IRAK4: variants seen among roughly 807,000 people sequenced by gnomAD.
The protein encoded by IRAK4 is interleukin 1 receptor associated kinase 4, also known as interleukin-1 receptor-associated kinase 4.
A neutral mutation model predicts 51.8 loss-of-function variants in IRAK4; 44 were observed. That is an observed-to-expected ratio of 0.85 (90% CI 0.67 to 1.09). The LOEUF is 1.09. IRAK4 is among the 50% of genes least tolerant of loss of function. IRAK4 has a pLI of 0.00. For missense variants in IRAK4, 487 were observed against 538.0 expected (o/e 0.91, Z 0.94); for synonymous variants, 149 against 174.1 (o/e 0.86, Z 1.13).
chr12:43,788,306 A>G lies in IRAK4; in HGVS notation c.*1591A>G, dbSNP rs1268412829. 1 of 152,254 alleles carries G rather than the reference A, an allele frequency of 6.6e-6. No individual in the cohort carries two copies. Among genetic ancestry groups the G allele is most frequent in the East Asian group, 1.9e-4 (1 of 5,174 alleles). 9.4% of individuals were successfully genotyped at this position (152,254 alleles called of 1,614,324 possible). On this transcript the variant is annotated 3_prime_UTR_variant, in exon 12 of 12. Coordinates refer to ENST00000613694, the MANE Select transcript of IRAK4 (RefSeq NM_016123.4). ...CCCAACACAGAGACCCCAGCAGGACACTGCCTAGTAGAGCTATGGGAAGGG... is the reference window on the plus strand; with the variant it reads ...CCCAACACAGAGACCCCAGCAGGACGCTGCCTAGTAGAGCTATGGGAAGGG...
chr12:43,775,432 C>T (rs568957287), intron 6 of IRAK4, among the ~76,000 whole-genome samples: 7 of 152,236 alleles, frequency 4.6e-5, no homozygotes, highest in East Asian at 3.9e-4. Flanking sequence ...ACATGTATCC[C>T]GGAACTTAAT....
chr12:43,764,889 T>C (rs1330824974), intron 1 of IRAK4, among the ~76,000 whole-genome samples: 3 of 152,214 alleles, frequency 2.0e-5, no homozygotes, highest in Non-Finnish European at 4.4e-5. Context: ...CCATTCTTTT[T>C]CCCTCCAGAA....
chr12:43,772,991 T>C lies in IRAK4; in HGVS notation c.570T>C (p.Asn190=). 1 of 1,612,432 alleles carries C rather than the reference T, an allele frequency of 6.2e-7. No individual in the cohort carries two copies. The highest frequency in any genetic ancestry group is 8.5e-7 in the Non-Finnish European group (1 of 1,178,922). Reference sequence around the variant, plus strand: ...AACGACCCATTTCTGTTGGTGGTAATAAAATGGGAGAGGGAGGATTTGGAG... The same window carrying C: ...AACGACCCATTTCTGTTGGTGGTAACAAAATGGGAGAGGGAGGATTTGGAG... ...FDERPISVGG[N]KMGEGGFGVV... is the part of the protein sequence containing the mutation. Residue 190 remains asparagine (N), a synonymous_variant, in exon 5 of 12, where the codon AAT becomes AAC. Transcript: ENST00000613694.
At chr12:43,786,249 G>T (rs1347251857) in intron 10 of IRAK4, 150 bp from the exon 11 acceptor site, 11 of 458,488 alleles carry the variant, frequency 2.4e-5, no homozygotes, top group Middle Eastern at 7.7e-4. Flanking sequence ...CCCAGGCTGG[G>T]TCTTCAATTC....
rs148871461 is a variant in IRAK4 at position 43,763,438 on chromosome 12, T to C, written c.-10+4422T>C. Reference sequence around the variant, plus strand: ...GCAAAACTTTAAAACAATGTTGTTCTTCTGTTTTTGAGGAAAAGGTAATTA... The same window carrying C: ...GCAAAACTTTAAAACAATGTTGTTCCTCTGTTTTTGAGGAAAAGGTAATTA... On this transcript the variant is annotated intron_variant, in intron 1 of 11. Coordinates refer to ENST00000613694, the MANE Select transcript of IRAK4 (RefSeq NM_016123.4). 24 of 152,340 alleles carry C rather than the reference T, an allele frequency of 1.6e-4. No individual in the cohort carries two copies. The East Asian group carries it at 4.6e-3, about 29-fold the overall frequency. 9.4% of individuals were successfully genotyped at this position (152,340 alleles called of 1,614,324 possible). A position where few individuals can be genotyped will look rare whatever the true frequency, so the allele number is the denominator to read the frequency against.
intron 1 of IRAK4, among the ~76,000 whole-genome samples, chr12:43,767,473 A>G (rs1940277871): frequency 6.6e-6 from 1 of 152,194 alleles, no homozygotes; most frequent in Non-Finnish European, 1.5e-5. Flanking sequence ...TCTAGAGAGT[A>G]GTTGAAGTGG....
intron 11 of IRAK4, 48 bp from the exon 12 acceptor site, chr12:43,786,632 A>T (rs1942234446): frequency 1.2e-5 from 20 of 1,610,074 alleles, no homozygotes; most frequent in Non-Finnish European, 1.7e-5. Flanking sequence ...TATATTTTAA[A>T]GCAACTGTAT....
intron 6 of IRAK4, among the ~76,000 whole-genome samples, chr12:43,777,321 C>T (rs1941367954): frequency 6.6e-6 from 1 of 151,936 alleles, no homozygotes; most frequent in African/African-American, 2.4e-5. Flanking sequence ...TCCAGATGGT[C>T]GAGGCCGCAG....
chr12:43,781,244 C>T (rs1030767362), intron 8 of IRAK4, among the ~76,000 whole-genome samples: 5 of 152,202 alleles, frequency 3.3e-5, no homozygotes, highest in Non-Finnish European at 7.3e-5. Context: ...CATTATCTCC[C>T]ATTTGCTTTG....
At chr12:43,783,271 GT>G (rs1381519651) in intron 9 of IRAK4, among the ~76,000 whole-genome samples, 1 of 151,836 alleles carries the variant, frequency 6.6e-6, no homozygotes, top group African/African-American at 2.4e-5. Context: ...ATTCATTCTA[GT>G]TTTTGTCTTG....
At chr12:43,768,013 C>T in intron 1 of IRAK4, 90 bp from the exon 2 acceptor site, 4 of 900,712 alleles carry the variant, frequency 4.4e-6, no homozygotes, top group Non-Finnish European at 5.4e-6. Context: ...GCTGACATTT[C>T]ATATGATATA....
chr12:43,775,894 T>C (rs1941219429), intron 6 of IRAK4, among the ~76,000 whole-genome samples: 1 of 144,714 alleles, frequency 6.9e-6, no homozygotes, highest in South Asian at 2.3e-4. Flanking sequence ...TTTTTTTTTT[T>C]TTTTTGAGAC....
chr12:43,778,148 T>G, intron 7 of IRAK4, 45 bp from the exon 8 acceptor site: 1 of 1,129,784 alleles, frequency 8.9e-7, no homozygotes, highest in Non-Finnish European at 1.3e-6. Flanking sequence ...CTGTAGATTT[T>G]TTATTATTCT....
intron 8 of IRAK4, among the ~76,000 whole-genome samples, chr12:43,780,876 T>C (rs538661247): frequency 6.6e-6 from 1 of 152,332 alleles, no homozygotes; most frequent in African/African-American, 2.4e-5. Context: ...GGCCTCTCTC[T>C]GTATGTTTTT....
intron 5 of IRAK4, among the ~76,000 whole-genome samples, chr12:43,773,281 A>G (rs1940964085): frequency 6.6e-6 from 1 of 152,196 alleles, no homozygotes; most frequent in Non-Finnish European, 1.5e-5. Flanking sequence ...CCATGTACAC[A>G]AGATCATACA....
In IRAK4 at chr12:43,762,942, C is replaced by A. The variant is rs1403510124; in HGVS notation, c.-10+3926C>A. Among the ~76,000 whole-genome samples, 6 of 152,158 alleles carry A rather than the reference C, an allele frequency of 3.9e-5. No individual in the cohort carries two copies. The East Asian group carries it at 1.2e-3, about 29-fold the overall frequency. ...TTCTTTCTAGATTCAAAAGAGGTTT[C>A]TCTCTATTCAAGGCTGATTTCTTCA... On this transcript the variant is annotated intron_variant, in intron 1 of 11. Coordinates refer to ENST00000613694, the MANE Select transcript of IRAK4 (RefSeq NM_016123.4).
At chr12:43,760,413 A>G (rs1305224347) in intron 1 of IRAK4, among the ~76,000 whole-genome samples, 1 of 152,190 alleles carries the variant, frequency 6.6e-6, no homozygotes, top group African/African-American at 2.4e-5. Flanking sequence ...CTTCTAAGAC[A>G]TGAGTACAGA....
chr12:43,767,636 T>G (rs1174231809), intron 1 of IRAK4, among the ~76,000 whole-genome samples: 1 of 144,214 alleles, frequency 6.9e-6, no homozygotes, highest in Admixed American at 6.9e-5. Flanking sequence ...TTTCAGTACG[T>G]TTTTTTTTTT....
chr12:43,785,624 G>A (rs1398756623), intron 10 of IRAK4, among the ~76,000 whole-genome samples: 3 of 146,766 alleles, frequency 2.0e-5, no homozygotes, highest in Non-Finnish European at 4.5e-5. Context: ...ATATATGTGT[G>A]TATATATATA....
Sources: allele counts gnomAD v4.1 joint callset (sites outside exome capture counted in the v4.1 genomes callset), GRCh38; gene constraint gnomAD v4.1.1; transcripts MANE v1.5; gene names NCBI Gene and HGNC (gene_info 2026-07-23, HGNC 2026-07-21).